The following COG5 variants were observed in gnomAD, a reference collection of about 807,000 sequenced individuals.
COG5 encodes the protein component of oligomeric golgi complex 5.
A neutral mutation model predicts 110.4 loss-of-function variants in COG5; 86 were observed. The observed-to-expected ratio is 0.78, with a 90% CI of 0.65 to 0.93. COG5 has a LOEUF of 0.93. Ranked by LOEUF, COG5 falls within the 40% of genes least tolerant of loss-of-function variation. The probability of loss-of-function intolerance (pLI) is 0.00; values close to 1 mark genes in which losing one functional copy is unlikely to be tolerated. For synonymous variants in COG5, 360 were observed against 334.6 expected (o/e 1.08, Z -0.83); for missense variants, 1,077 against 987.0 (o/e 1.09, Z -1.22).
intron 11 of COG5, among the ~76,000 whole-genome samples, chr7:107,301,469 C>G (rs1807261701): frequency 6.6e-6 from 1 of 152,000 alleles, no homozygotes; most frequent in African/African-American, 2.4e-5. Context: ...GAATGGCAAA[C>G]AAACACATGA....
intron 19 of COG5, among the ~76,000 whole-genome samples, chr7:107,216,823 A>G (rs1020245528): frequency 7.2e-5 from 11 of 152,160 alleles, no homozygotes; most frequent in African/African-American, 2.7e-4. Context: ...AACCTACTCA[A>G]GAAACTACAA....
intron 6 of COG5, among the ~76,000 whole-genome samples, chr7:107,428,085 G>C (rs1320005584): frequency 6.6e-6 from 1 of 152,112 alleles, no homozygotes; most frequent in Admixed American, 6.6e-5. Context: ...GGAAAGGGTA[G>C]GTATATGTAA....
At chr7:107,419,568 A>ATT (rs879883219) in intron 6 of COG5, among the ~76,000 whole-genome samples, 4 of 143,676 alleles carry the variant, frequency 2.8e-5, no homozygotes, top group Non-Finnish European at 4.6e-5. Context: ...GAATTTATAG[A>ATT]TTTTTTTTTT....
intron 10 of COG5, among the ~76,000 whole-genome samples, chr7:107,361,176 C>T (rs1267791793): frequency 6.6e-6 from 1 of 152,124 alleles, no homozygotes; most frequent in African/African-American, 2.4e-5. Flanking sequence ...AATCATTATC[C>T]TATGAATCAT....
intron 14 of COG5, among the ~76,000 whole-genome samples, chr7:107,271,016 G>A (rs1053594416): frequency 2.0e-5 from 3 of 149,552 alleles, no homozygotes; most frequent in African/African-American, 7.4e-5. Flanking sequence ...ACCACACCTG[G>A]CCTTTACTAT....
At chr7:107,529,781 T>G (rs531213949) in intron 5 of COG5, among the ~76,000 whole-genome samples, 1 of 152,200 alleles carries the variant, frequency 6.6e-6, no homozygotes, top group Non-Finnish European at 1.5e-5. Flanking sequence ...TGCTCTGAAA[T>G]GTACCTTGGT....
chr7:107,286,910 T>G (rs1231580519), intron 12 of COG5, among the ~76,000 whole-genome samples: 1 of 152,128 alleles, frequency 6.6e-6, no homozygotes, highest in Non-Finnish European at 1.5e-5. Context: ...TGTATAAATA[T>G]TATGTGTCAG....
intron 16 of COG5, among the ~76,000 whole-genome samples, chr7:107,251,956 A>G (rs1802543626): frequency 6.6e-6 from 1 of 152,170 alleles, no homozygotes; most frequent in Non-Finnish European, 1.5e-5. Flanking sequence ...CACAGTTGCT[A>G]AACTCCTAGC....
At chr7:107,423,955 T>C (rs1054415106) in intron 6 of COG5, among the ~76,000 whole-genome samples, 1 of 152,068 alleles carries the variant, frequency 6.6e-6, no homozygotes, top group Non-Finnish European at 1.5e-5. Flanking sequence ...TTGCAAAATA[T>C]TTCTAGAAAA....
At chr7:107,421,919 A>G (rs148993695) in intron 6 of COG5, among the ~76,000 whole-genome samples, 1 of 152,344 alleles carries the variant, frequency 6.6e-6, no homozygotes, top group African/African-American at 2.4e-5. Flanking sequence ...AAATGAAAAT[A>G]CAAAATCAAA....
intron 6 of COG5, among the ~76,000 whole-genome samples, chr7:107,477,029 T>C (rs1256907369): frequency 6.6e-6 from 1 of 151,636 alleles, no homozygotes; most frequent in South Asian, 2.1e-4. Context: ...TTTTCTACTG[T>C]TTTTTGGAAT....
chr7:107,499,173 A>G (rs1798477181), intron 6 of COG5, among the ~76,000 whole-genome samples: 1 of 152,138 alleles, frequency 6.6e-6, no homozygotes. Context: ...GTTGTTAATC[A>G]ATGGGCATAA....
chr7:107,403,560 C>G (rs989750088), intron 7 of COG5, among the ~76,000 whole-genome samples: 1 of 151,782 alleles, frequency 6.6e-6, no homozygotes, highest in African/African-American at 2.4e-5. Context: ...CCCAACAGGC[C>G]CCGGTGTGTG....
intron 6 of COG5, among the ~76,000 whole-genome samples, chr7:107,496,657 C>CAAAA (rs1010946735): frequency 1.1e-4 from 10 of 90,676 alleles, no homozygotes; most frequent in African/African-American, 1.5e-4. Flanking sequence ...GACTCTGTCT[C>CAAAA]AAAAAAAAAA....
At chr7:107,534,097 T>C (rs570807837) in intron 5 of COG5, among the ~76,000 whole-genome samples, 1 of 151,662 alleles carries the variant, frequency 6.6e-6, no homozygotes, top group East Asian at 1.9e-4. Context: ...AATAAAATCC[T>C]TTACAGACAA....
intron 6 of COG5, among the ~76,000 whole-genome samples, chr7:107,479,028 TGAAA>T (rs928862856): frequency 2.0e-5 from 3 of 152,066 alleles, no homozygotes; most frequent in African/African-American, 4.8e-5. Context: ...TTGAATTATA[TGAAA>T]GAGTCATTAC....
intron 11 of COG5, among the ~76,000 whole-genome samples, chr7:107,301,173 A>C (rs543661224): frequency 1.1e-4 from 16 of 152,312 alleles, no homozygotes; most frequent in African/African-American, 3.8e-4. Flanking sequence ...TTTCTAAAAG[A>C]AAACATCTGA....
chr7:107,384,576 A>G (rs2129054214), intron 7 of COG5, among the ~76,000 whole-genome samples: 1 of 152,202 alleles, frequency 6.6e-6, no homozygotes, highest in East Asian at 1.9e-4. Flanking sequence ...GAAAGCCTAA[A>G]TTTTTGTGGC....
At position 107,381,841 on chromosome 7, in the gene COG5, T is replaced by G. The variant is rs558773499; in HGVS notation, c.670-9081A>C. 1.6e-4 allele frequency among the ~76,000 whole-genome samples: 24 copies of G among 152,352 alleles called. No individual in the cohort carries two copies. The South Asian group carries it at 4.3e-3, about 28-fold the overall frequency. ...TTTTCAGAGTCAAGGAAACTTATTT[T>G]ATACATTTATGGCCTTTATTAATTG... is the stretch of plus-strand genomic sequence containing the variant. On this transcript the variant is annotated intron_variant, in intron 7 of 21. Transcript: ENST00000297135.
Sources: allele counts gnomAD v4.1 joint callset (sites outside exome capture counted in the v4.1 genomes callset), GRCh38; gene constraint gnomAD v4.1.1; transcripts MANE v1.5; gene names NCBI Gene and HGNC (gene_info 2026-07-23, HGNC 2026-07-21).